Variants in CIB1 observed in about 807,000 individuals in gnomAD.
CIB1 encodes the protein calcium and integrin binding 1.
Under a neutral mutation model 25.0 loss-of-function variants are expected in CIB1, and 19 were observed. The ratio of observed to expected loss-of-function variants is 0.76; its 90% confidence interval spans 0.53 to 1.12. The LOEUF is 1.12. CIB1 is among the 50% of genes most tolerant of loss of function. The probability of loss-of-function intolerance (pLI) is 0.00; values close to 1 mark genes in which losing one functional copy is unlikely to be tolerated. For synonymous variants in CIB1, 104 were observed against 98.5 expected, an observed-to-expected ratio of 1.06 and a Z score of -0.33; for missense variants, 236 against 242.6, an observed-to-expected ratio of 0.97 and a Z score of 0.18.
At chr15:90,256,681 T>C in the CIB1 span, among the ~76,000 whole-genome samples, 5 of 150,922 alleles carry the variant, frequency 3.3e-5, no homozygotes, top group Admixed American at 1.3e-4. Context: ...CTTCCTTCTT[T>C]CTCTCTACCT....
the CIB1 span, chr15:90,240,896 T>G: frequency 9.4e-6 from 15 of 1,592,938 alleles, no homozygotes; most frequent in Non-Finnish European, 1.2e-5. Context: ...TATGACTATT[T>G]CAGGTCAGCT....
chr15:90,250,773 T>TA, the CIB1 span: 19 of 1,613,966 alleles, frequency 1.2e-5, no homozygotes, highest in East Asian at 2.2e-5. Context: ...TATAAGGCAT[T>TA]AAAAAATGGG....
At chr15:90,233,350 T>C (rs1962549181) in intron 2 of CIB1, among the ~76,000 whole-genome samples, 1 of 152,246 alleles carries the variant, frequency 6.6e-6, no homozygotes. Flanking sequence ...TTCTGTGGTT[T>C]AGCCACTGGG....
At chr15:90,257,851 T>G in the CIB1 span, 29 of 1,006,958 alleles carry the variant, frequency 2.9e-5, no homozygotes, top group Admixed American at 5.3e-4. Flanking sequence ...GACCCTGTCC[T>G]GTGCCTGCAC....
At chr15:90,251,583 A>C in the CIB1 span, 1 of 1,613,988 alleles carries the variant, frequency 6.2e-7, no homozygotes. Flanking sequence ...ACCAACTGCA[A>C]GTATGAGAGT....
the CIB1 span, chr15:90,242,022 G>T: frequency 2.5e-6 from 4 of 1,613,700 alleles, no homozygotes; most frequent in African/African-American, 4.0e-5. Context: ...GGCAGAAGAC[G>T]TACAGGCAGC....
chr15:90,256,248 G>A, the CIB1 span: 70 of 1,614,008 alleles, frequency 4.3e-5, no homozygotes, highest in East Asian at 3.8e-4. Flanking sequence ...CGAAATCCCC[G>A]GGAGATCAAG....
chr15:90,265,552 G>A, the CIB1 span: 2 of 1,383,308 alleles, frequency 1.4e-6, no homozygotes, highest in Non-Finnish European at 9.6e-7. Flanking sequence ...CAGAAAGGGT[G>A]GGCCACTGAG....
the CIB1 span, chr15:90,262,775 A>G: frequency 1.2e-5 from 15 of 1,247,756 alleles, no homozygotes; most frequent in East Asian, 1.8e-4. Flanking sequence ...CACAAGAGAG[A>G]GAGGAGTTCC....
the CIB1 span, chr15:90,259,128 T>G: frequency 3.1e-6 from 4 of 1,273,290 alleles, no homozygotes; most frequent in East Asian, 1.3e-4. Context: ...TTTGGGAGGC[T>G]GAGGCAGGAG....
the CIB1 span, chr15:90,264,021 G>A: frequency 6.5e-7 from 1 of 1,535,996 alleles, no homozygotes; most frequent in South Asian, 1.2e-5. Flanking sequence ...AGGCTGGGAG[G>A]TGCTATTTTT....
At chr15:90,256,095 G>T in the CIB1 span, 1 of 1,604,218 alleles carries the variant, frequency 6.2e-7, no homozygotes, top group East Asian at 2.2e-5. Context: ...CCCCGGGAAA[G>T]CCTTGATGCA....
chr15:90,255,760 C>G, the CIB1 span: 1 of 1,614,166 alleles, frequency 6.2e-7, no homozygotes, highest in South Asian at 1.1e-5. Flanking sequence ...TTCAGAAAAT[C>G]AACCACTTCC....
the CIB1 span, chr15:90,257,999 C>T: frequency 8.8e-6 from 14 of 1,593,010 alleles, no homozygotes; most frequent in Non-Finnish European, 1.0e-5. Context: ...GGCCCAGTGG[C>T]CTAGAAACTG....
At chr15:90,257,218 A>G in the CIB1 span, 1 of 1,613,544 alleles carries the variant, frequency 6.2e-7, no homozygotes, top group African/African-American at 1.3e-5. Flanking sequence ...GGATCTTCAC[A>G]TATGAGGAGG....
chr15:90,251,513 C>T, the CIB1 span: 1 of 1,580,732 alleles, frequency 6.3e-7, no homozygotes, highest in Non-Finnish European at 8.7e-7. Context: ...ACCTGTCCTT[C>T]CCTCCCACTC....
the CIB1 span, among the ~76,000 whole-genome samples, chr15:90,246,376 C>G: frequency 6.6e-6 from 1 of 152,124 alleles, no homozygotes; most frequent in Non-Finnish European, 1.5e-5. Flanking sequence ...TTGAAGAATA[C>G]TTAATGTGGG....
the CIB1 span, among the ~76,000 whole-genome samples, chr15:90,256,578 TTTCTTTC>T: frequency 1.5e-4 from 5 of 32,522 alleles, no homozygotes; most frequent in Admixed American, 1.3e-3. Context: ...TCTTTCTTTC[TTTCTTTC>T]TTTCTTTCTT....
chr15:90,253,325 C>T, the CIB1 span: 48 of 1,613,336 alleles, frequency 3.0e-5, no homozygotes, highest in Non-Finnish European at 3.8e-5. Context: ...GGACAGACTG[C>T]GCTGTCTCAC....
Sources: gnomAD v4.1 joint callset for allele counts (sites outside exome capture counted in the v4.1 genomes callset) on GRCh38, gnomAD v4.1.1 for gene constraint, MANE v1.5 for transcripts, NCBI Gene and HGNC (gene_info 2026-07-23, HGNC 2026-07-21) for gene names.